Variants in ETV6 observed in about 807,000 individuals in gnomAD.
ETV6 encodes ETS variant transcription factor 6.
Under a neutral mutation model 51.1 loss-of-function variants are expected in ETV6, and 16 were observed. That is an observed-to-expected ratio of 0.31 (90% CI 0.21 to 0.48). The LOEUF (loss-of-function observed/expected upper bound fraction) is 0.48. ETV6 is among the 20% of genes least tolerant of loss of function. The probability of loss-of-function intolerance (pLI) is 0.99; values close to 1 mark genes in which losing one functional copy is unlikely to be tolerated. For synonymous variants in ETV6, 240 were observed against 224.1 expected, an observed-to-expected ratio of 1.07 and a Z score of -0.64; for missense variants, 458 against 594.8, an observed-to-expected ratio of 0.77 and a Z score of 2.39.
At chr12:11,854,905 C>T (rs1450297536) in intron 4 of ETV6, among the ~76,000 whole-genome samples, 1 of 152,104 alleles carries the variant, frequency 6.6e-6, no homozygotes, top group Non-Finnish European at 1.5e-5. Flanking sequence ...CCCAGTTGTT[C>T]CTCTTAATCA....
rs1947176004 is a variant in ETV6, at chr12:11,885,889, T to C, written c.1153-37T>C. The C allele has an allele frequency of 2.0e-6, 3 of 1,469,774 alleles. No homozygotes were observed. In the East Asian group the frequency reaches 6.8e-5, roughly 33 times the overall value. The allele number at this position is 1,469,774 out of a possible 1,614,324, so 91.0% of individuals were successfully genotyped here. A position where few individuals can be genotyped will look rare whatever the true frequency, so the allele number is the denominator to read the frequency against. On this transcript the variant is annotated intron_variant, in intron 6 of 7. Coordinates refer to ENST00000396373, the MANE Select transcript of ETV6 (RefSeq NM_001987.5). ...TCTGAGGTTCATTTCATTGTGTCTT[T>C]GTGCTTTTTTTCTCCCTTCCTCCTT...
chr12:11,651,216 T>G (rs780998428), intron 1 of ETV6, among the ~76,000 whole-genome samples: 2 of 152,234 alleles, frequency 1.3e-5, no homozygotes, highest in African/African-American at 2.4e-5. Flanking sequence ...TGAAGTTTGT[T>G]TTTGGTTTGG....
chr12:11,791,042 T>C (rs1004945533), intron 2 of ETV6, among the ~76,000 whole-genome samples: 4 of 152,292 alleles, frequency 2.6e-5, no homozygotes, highest in African/African-American at 9.6e-5. Flanking sequence ...GTCCAGATTT[T>C]CACATGTAAC....
chr12:11,732,343 A>G (rs762570672), intron 1 of ETV6, among the ~76,000 whole-genome samples: 6 of 152,120 alleles, frequency 3.9e-5, no homozygotes, highest in East Asian at 1.9e-4. Context: ...TGTGATCTCA[A>G]ATATTTCTGT....
chr12:11,698,166 A>T (rs558061127), intron 1 of ETV6, among the ~76,000 whole-genome samples: 26 of 152,350 alleles, frequency 1.7e-4, no homozygotes, highest in African/African-American at 5.3e-4. Flanking sequence ...AGGTTCCAGG[A>T]AGGCTGAATC....
intron 4 of ETV6, among the ~76,000 whole-genome samples, chr12:11,863,421 A>C (rs1372588186): frequency 6.6e-6 from 1 of 152,166 alleles, no homozygotes; most frequent in East Asian, 1.9e-4. Context: ...ATCAGAAAAC[A>C]CTTCCAACCA....
In ETV6 at chr12:11,894,192, G is replaced by T; in HGVS notation, c.*3146G>T. On this transcript the variant is annotated 3_prime_UTR_variant, in exon 8 of 8. Coordinates refer to ENST00000396373, the MANE Select transcript of ETV6 (RefSeq NM_001987.5). The stretch of plus-strand genomic sequence containing the variant: ...TATATTGTACCTGCCTAATCCACCC[G>T]GCGTGACTCATTTCAACACTAAGTA... 4.3e-6 allele frequency: 1 copy of T among 231,816 alleles called. No individual in the cohort carries two copies. Among genetic ancestry groups the T allele is most frequent in the Non-Finnish European group, 8.5e-6 (1 of 117,266 alleles). The allele number at this position is 231,816 out of a possible 1,614,324, so 14.4% of individuals were successfully genotyped here. A position where few individuals can be genotyped will look rare whatever the true frequency, so the allele number is the denominator to read the frequency against.
chr12:11,656,965 A>G (rs1475691563), intron 1 of ETV6, among the ~76,000 whole-genome samples: 1 of 152,024 alleles, frequency 6.6e-6, no homozygotes, highest in East Asian at 1.9e-4. Flanking sequence ...TTTCCCCTAT[A>G]ACAAAAGGAA....
At chr12:11,880,327 T>C (rs970830510) in intron 5 of ETV6, among the ~76,000 whole-genome samples, 1 of 152,214 alleles carries the variant, frequency 6.6e-6, no homozygotes, top group African/African-American at 2.4e-5. Context: ...GGGGTTGTTT[T>C]CACATTTATG....
intron 2 of ETV6, among the ~76,000 whole-genome samples, chr12:11,798,702 A>G (rs1424311422): frequency 6.6e-6 from 1 of 152,194 alleles, no homozygotes; most frequent in East Asian, 1.9e-4. Context: ...GTATTTCTAA[A>G]TGCTTTGAAG....
At chr12:11,849,808 A>G (rs2136483515) in intron 3 of ETV6, among the ~76,000 whole-genome samples, 1 of 152,332 alleles carries the variant, frequency 6.6e-6, no homozygotes, top group East Asian at 1.9e-4. Flanking sequence ...GAGTCAATCT[A>G]GGAAACCTCT....
intron 2 of ETV6, among the ~76,000 whole-genome samples, chr12:11,757,424 T>TG (rs1198829624): frequency 1.1e-4 from 8 of 69,902 alleles, no homozygotes; most frequent in African/African-American, 2.8e-4. Flanking sequence ...TTATGTTTGT[T>TG]CCCAAAAAAA....
chr12:11,867,365 G>A (rs755762122), intron 4 of ETV6, among the ~76,000 whole-genome samples: 10 of 152,052 alleles, frequency 6.6e-5, no homozygotes, highest in South Asian at 2.1e-4. Context: ...TTACTTTTAC[G>A]TAGTACTCCA....
At chr12:11,770,925 A>G (rs935459855) in intron 2 of ETV6, among the ~76,000 whole-genome samples, 15 of 152,064 alleles carry the variant, frequency 9.9e-5, no homozygotes, top group Non-Finnish European at 2.9e-5. Context: ...AAAAATGCCT[A>G]TGCAATGGCT....
intron 5 of ETV6, among the ~76,000 whole-genome samples, chr12:11,882,788 G>C (rs1947119564): frequency 6.6e-6 from 1 of 152,194 alleles, no homozygotes. Flanking sequence ...TACCCCCAGA[G>C]AAGGGTGTAT....
At chr12:11,651,069 A>G (rs543436931) in intron 1 of ETV6, among the ~76,000 whole-genome samples, 1 of 152,320 alleles carries the variant, frequency 6.6e-6, no homozygotes, top group East Asian at 1.9e-4. Flanking sequence ...GTTTGCCACC[A>G]TTGGGAGGCA....
intron 1 of ETV6, among the ~76,000 whole-genome samples, chr12:11,713,710 A>G (rs771959745): frequency 2.0e-5 from 3 of 152,104 alleles, no homozygotes; most frequent in Non-Finnish European, 4.4e-5. Context: ...GTTTTTCTTC[A>G]TAGTCTTTAT....
rs760732066 is a variant in ETV6, at chr12:11,738,170, T to TTTGC, written c.34-14253_34-14250dup. Among the ~76,000 whole-genome samples the TTTGC allele has an allele frequency of 7.4e-3, 1,126 of 151,840 alleles. 10 individuals are homozygous for TTTGC. Among genetic ancestry groups the TTTGC allele is most frequent in the African/African-American group, 0.023 (949 of 41,390 alleles). On this transcript the variant is annotated intron_variant, in intron 1 of 7. Coordinates refer to ENST00000396373, the MANE Select transcript of ETV6 (RefSeq NM_001987.5). Reference sequence around the variant, plus strand: ...TAGAAAGCCTATGCTGCTCTGCTAGTTTGCTTGCTTGCTTGCTTGCTTGCT... The same window carrying TTTGC: ...TAGAAAGCCTATGCTGCTCTGCTAGTTTGCTTGCTTGCTTGCTTGCTTGCTTGCT...
At chr12:11,740,357 G>T (rs1036000886) in intron 1 of ETV6, among the ~76,000 whole-genome samples, 2 of 152,164 alleles carry the variant, frequency 1.3e-5, no homozygotes, top group African/African-American at 4.8e-5. Flanking sequence ...AAACTTTCCA[G>T]ATTTTCCTAT....
Sources: gnomAD v4.1 joint callset for allele counts (sites outside exome capture counted in the v4.1 genomes callset) on GRCh38, gnomAD v4.1.1 for gene constraint, MANE v1.5 for transcripts, NCBI Gene and HGNC (gene_info 2026-07-23, HGNC 2026-07-21) for gene names.